Variants in ZNF570 observed in about 807,000 individuals in gnomAD.
ZNF570 encodes zinc finger protein 570.
A neutral mutation model predicts 14.2 loss-of-function variants in ZNF570; 8 were observed. The observed-to-expected ratio is 0.56, with a 90% confidence interval of 0.33 to 1.02. The LOEUF (loss-of-function observed/expected upper bound fraction) is 1.02. Ranked by LOEUF, ZNF570 falls within the 50% of genes least tolerant of loss-of-function variation. The pLI, the probability that ZNF570 is intolerant of heterozygous loss-of-function variation, is 0.03. For synonymous variants in ZNF570, 202 were observed against 207.6 expected (o/e 0.97, Z 0.23); for missense variants, 559 against 624.9 (o/e 0.89, Z 1.12).
Position 37,473,951 on chromosome 19 carries a change from A to G in ZNF570, c.34-1930A>G, listed in dbSNP as rs2041997378. Among the ~76,000 whole-genome samples, 4 of 152,216 alleles carry G rather than the reference A, an allele frequency of 2.6e-5. No homozygotes were observed. In the South Asian group the frequency reaches 6.2e-4, roughly 24 times the overall value. ...CTAGATGTCTTTTAGGGAGGAGGAA[A>G]TGGTTTGGAAATAAGAGCAAAGAGG... On this transcript the variant is annotated intron_variant, in intron 2 of 4. Transcript: ENST00000330173.
At chr19:37,468,671 A>G (rs1364679478), upstream of ZNF570, among the ~76,000 whole-genome samples, 1 of 152,000 alleles carries the variant, frequency 6.6e-6, no homozygotes, top group Non-Finnish European at 1.5e-5. Context: ...ACGCCCGGCT[A>G]ATTTTTTTGT....
intron 1 of ZNF570, among the ~76,000 whole-genome samples, chr19:37,469,944 A>G (rs1171300891): frequency 6.6e-6 from 1 of 152,188 alleles, no homozygotes; most frequent in Non-Finnish European, 1.5e-5. Context: ...CCCAAGTCAT[A>G]TCAATGTGCC....
intron 1 of ZNF570, among the ~76,000 whole-genome samples, chr19:37,469,848 G>T (rs1200442157): frequency 1.3e-5 from 2 of 152,216 alleles, no homozygotes; most frequent in East Asian, 3.9e-4. Context: ...GGGTAAGACG[G>T]TGGTTGGCAC....
At chr19:37,468,017 C>A, upstream of ZNF570, 1 of 1,295,566 alleles carries the variant, frequency 7.7e-7, no homozygotes. Flanking sequence ...ACAGACTTGG[C>A]CTTACTAGCT....
intron 2 of ZNF570, among the ~76,000 whole-genome samples, chr19:37,470,729 TCTCA>T (rs902649186): frequency 7.6e-6 from 1 of 132,034 alleles, no homozygotes; most frequent in African/African-American, 3.0e-5. Flanking sequence ...TGAGACAGAG[TCTCA>T]CTCTGTTGCC....
chr19:37,482,564 A>G (rs972445258), intron 4 of ZNF570, among the ~76,000 whole-genome samples: 4 of 152,176 alleles, frequency 2.6e-5, no homozygotes, highest in African/African-American at 9.6e-5. Flanking sequence ...GTCACCTCCC[A>G]CCAGGCCCCA....
intron 1 of ZNF570, 60 bp from the exon 2 acceptor site, chr19:37,470,244 C>T: frequency 2.0e-6 from 3 of 1,494,506 alleles, no homozygotes; most frequent in Non-Finnish European, 2.8e-6. Context: ...AAAGTCTAGA[C>T]TGGTGATTCT....
upstream of ZNF570, among the ~76,000 whole-genome samples, chr19:37,468,627 T>G (rs2041893309): frequency 6.6e-6 from 1 of 152,216 alleles, no homozygotes; most frequent in South Asian, 2.1e-4. Flanking sequence ...TGCCTCAGCC[T>G]CCTGAGTAGC....
intron 4 of ZNF570, among the ~76,000 whole-genome samples, chr19:37,479,171 C>G (rs1272675614): frequency 7.0e-6 from 1 of 141,900 alleles, no homozygotes; most frequent in Non-Finnish European, 1.6e-5. Context: ...TCTATTTCTC[C>G]TAGAGGCAAT....
chr19:37,469,625 G>A lies in ZNF570; in HGVS notation c.-52+68G>A, dbSNP rs1173012002. 10 of 1,432,250 alleles carry A rather than the reference G, an allele frequency of 7.0e-6. No individual in the cohort carries two copies. In the African/African-American group the frequency reaches 1.1e-4, roughly 16 times the overall value. The allele number at this position is 1,432,250 out of a possible 1,614,324, so 88.7% of individuals were successfully genotyped here. Reference sequence around the variant, plus strand: ...CCACGTCCTGTGTGACTGGGTGCGAGGAAGTCAATGGCACCGTGGAATGTG... The same window carrying A: ...CCACGTCCTGTGTGACTGGGTGCGAAGAAGTCAATGGCACCGTGGAATGTG... On this transcript the variant is annotated intron_variant, in intron 1 of 4. Transcript: ENST00000330173.
upstream of ZNF570, chr19:37,468,901 G>T: frequency 3.2e-6 from 1 of 316,904 alleles, no homozygotes; most frequent in Non-Finnish European, 4.6e-6. Flanking sequence ...AATTTTTTTC[G>T]GGTATCCAGC....
intron 1 of ZNF570, 133 bp downstream of exon 1, chr19:37,469,690 C>A: frequency 2.1e-6 from 2 of 954,240 alleles, no homozygotes; most frequent in Non-Finnish European, 3.1e-6. Flanking sequence ...CTGTTCGCTG[C>A]ACCTTGTTGG....
In ZNF570 at chr19:37,470,707, T is replaced by TTC. The variant is rs1555846042; in HGVS notation, c.33+321_33+322insCT. Among the ~76,000 whole-genome samples, 20 of 140,140 alleles carry TTC rather than the reference T, an allele frequency of 1.4e-4. 1 individual carries two copies. The highest frequency in any genetic ancestry group is 1.1e-3 in the South Asian group (5 of 4,426). The allele number at this position is 140,140 out of a possible 152,430, so 91.9% of individuals were successfully genotyped here. On this transcript the variant is annotated intron_variant, in intron 2 of 4. Transcript: ENST00000330173. ...ATTCTTATTTATTCTTTTTTTTTTT[T>TTC]TTTTTTTTTTTTGAGACAGAGTCTC...
chr19:37,474,874 T>A (rs1473283214), intron 2 of ZNF570, among the ~76,000 whole-genome samples: 1 of 152,224 alleles, frequency 6.6e-6, no homozygotes, highest in Non-Finnish European at 1.5e-5. Context: ...ATATAATGTA[T>A]GTTTGTTTCA....
At chr19:37,472,857 G>A (rs946458469) in intron 2 of ZNF570, among the ~76,000 whole-genome samples, 1 of 152,078 alleles carries the variant, frequency 6.6e-6, no homozygotes, top group African/African-American at 2.4e-5. Context: ...TAAAGATTCA[G>A]TAGAAAGGGA....
At chr19:37,471,021 T>G (rs931036821) in intron 2 of ZNF570, among the ~76,000 whole-genome samples, 5 of 136,460 alleles carry the variant, frequency 3.7e-5, no homozygotes, top group African/African-American at 1.5e-4. Flanking sequence ...TTTTTTTTTT[T>G]TTTTTTTTGT....
chr19:37,478,398 G>T (rs1394093973), intron 4 of ZNF570, among the ~76,000 whole-genome samples: 2 of 151,958 alleles, frequency 1.3e-5, no homozygotes, highest in Admixed American at 6.6e-5. Flanking sequence ...AATTAACTTC[G>T]TATGCATTGG....
At chr19:37,481,441 T>C (rs1486914159) in intron 4 of ZNF570, among the ~76,000 whole-genome samples, 2 of 152,174 alleles carry the variant, frequency 1.3e-5, no homozygotes, top group Non-Finnish European at 2.9e-5. Context: ...GCGTGAGCCA[T>C]TGTGCCCGGT....
upstream of ZNF570, chr19:37,468,069 G>A: frequency 1.5e-6 from 1 of 668,754 alleles, no homozygotes; most frequent in South Asian, 2.0e-5. Context: ...TATGCCTTTC[G>A]TGTTTTTTTT....
Sources: allele counts gnomAD v4.1 joint callset (sites outside exome capture counted in the v4.1 genomes callset), GRCh38; gene constraint gnomAD v4.1.1; transcripts MANE v1.5; gene names NCBI Gene and HGNC (gene_info 2026-07-23, HGNC 2026-07-21).